Variants in FSD2 observed in about 807,000 individuals in gnomAD.
The protein encoded by FSD2 is fibronectin type III and SPRY domain containing 2.
FSD2 carries 71 observed loss-of-function variants against 80.4 expected under a neutral mutation model. The observed-to-expected ratio is 0.88, with a 90% confidence interval of 0.73 to 1.08. FSD2 has a LOEUF of 1.08. Among genes scored for constraint, FSD2 ranks in the 50% least tolerant of loss-of-function variants. The pLI, the probability that FSD2 is intolerant of heterozygous loss-of-function variation, is 0.00. For synonymous variants in FSD2, 361 were observed against 329.5 expected (o/e 1.10, Z -1.03); for missense variants, 923 against 913.8 (o/e 1.01, Z -0.13).
At chr15:82,770,569 GC>G (rs1318487971) in intron 7 of FSD2, among the ~76,000 whole-genome samples, 2 of 152,170 alleles carry the variant, frequency 1.3e-5, no homozygotes, top group African/African-American at 4.8e-5. Context: ...TACTCGGGAG[GC>G]CGAGGCAGGA....
At chr15:82,769,680 G>A (rs1490839354) in intron 8 of FSD2, 70 bp downstream of exon 8, 2 of 1,517,314 alleles carry the variant, frequency 1.3e-6, no homozygotes, top group South Asian at 1.3e-5. Context: ...GCCCTGCCAT[G>A]TCTAGAAACC....
intron 11 of FSD2, 117 bp downstream of exon 11, chr15:82,765,049 A>T: frequency 8.0e-7 from 1 of 1,256,184 alleles, no homozygotes; most frequent in Non-Finnish European, 1.1e-6. Context: ...CTCCTCACTC[A>T]TTTGTAGGAT....
At chr15:82,779,918 G>A (rs2049812444) in intron 5 of FSD2, among the ~76,000 whole-genome samples, 1 of 152,090 alleles carries the variant, frequency 6.6e-6, no homozygotes, top group African/African-American at 2.4e-5. Flanking sequence ...TGGACAGTCT[G>A]GGTCCAGGCA....
chr15:82,762,086 C>G lies in FSD2; in HGVS notation c.1997+16G>C, dbSNP rs1214942518. 1 of 1,554,200 alleles carries G rather than the reference C, an allele frequency of 6.4e-7. No homozygotes were observed. Among genetic ancestry groups the G allele is most frequent in the Non-Finnish European group, 8.7e-7 (1 of 1,149,536 alleles). ...AAAAGCAAATTTTAATTGTGAGTATCCAGATTTTACTTTACCTTGATGATG... is the reference window on the plus strand; with the variant it reads ...AAAAGCAAATTTTAATTGTGAGTATGCAGATTTTACTTTACCTTGATGATG... On this transcript the variant is annotated intron_variant, in intron 12 of 12. Coordinates refer to ENST00000334574, the MANE Select transcript of FSD2 (RefSeq NM_001007122.4).
In FSD2 at chr15:82,762,191, A is replaced by G; in HGVS notation, c.1908T>C (p.Val636=). The G allele has an allele frequency of 6.2e-7, 1 of 1,613,854 alleles. No individual in the cohort carries two copies. Among genetic ancestry groups the G allele is most frequent in the South Asian group, 1.1e-5 (1 of 91,020 alleles). ...TACGGACATCTGCAAAGGCCACACC[A>G]ACTCTGTAGTCCAAATGCTCATCCA... ...VEVDEHLDYR[V]GVAFADVRKQ... is the part of the protein sequence containing the mutation. The change falls in exon 12 of 13, where the codon GTT becomes GTC. Residue 636 remains valine (V), a synonymous_variant. Transcript: ENST00000334574.
chr15:82,802,514 T>A (rs1279818235), intron 1 of FSD2, among the ~76,000 whole-genome samples: 1 of 152,220 alleles, frequency 6.6e-6, no homozygotes, highest in Non-Finnish European at 1.5e-5. Context: ...TAATCAGAAT[T>A]ACCCACATTG....
intron 6 of FSD2, among the ~76,000 whole-genome samples, chr15:82,776,970 G>A (rs1478408078): frequency 2.0e-5 from 3 of 152,168 alleles, no homozygotes; most frequent in Non-Finnish European, 4.4e-5. Flanking sequence ...ACACAATGGG[G>A]AAAGGATAGT....
At position 82,766,043 on chromosome 15, in the gene FSD2, A is replaced by G. The variant is rs770256418; in HGVS notation, c.1554-12T>C. 8.3e-6 allele frequency: 13 copies of G among 1,569,444 alleles called. No homozygotes were observed. In the South Asian group the frequency reaches 1.2e-4, roughly 14 times the overall value. ...TGCCCACAACAGACCTGTACAAGGA[A>G]GCAGAGCTGCAGTCAGAATGGGGCT... On this transcript the variant is annotated splice_polypyrimidine_tract_variant and intron_variant, in intron 9 of 12. Coordinates refer to ENST00000334574, the MANE Select transcript of FSD2 (RefSeq NM_001007122.4).
At chr15:82,766,125 C>T in intron 9 of FSD2, 94 bp from the exon 10 acceptor site, 1 of 1,368,574 alleles carries the variant, frequency 7.3e-7, no homozygotes, top group Non-Finnish European at 9.7e-7. Context: ...GTTTAACTCA[C>T]TCTTGCGCTC....
chr15:82,770,276 G>A (rs1481090031), intron 7 of FSD2, among the ~76,000 whole-genome samples: 2 of 152,144 alleles, frequency 1.3e-5, no homozygotes, highest in Admixed American at 6.5e-5. Context: ...AAGTCCTCCC[G>A]GCTATCCTAT....
Position 82,787,450 on chromosome 15 carries a change from A to C in FSD2, c.-60T>G. The C allele has an allele frequency of 6.8e-7, 1 of 1,477,950 alleles. No homozygotes were observed. The highest frequency in any genetic ancestry group is 9.1e-7 in the Non-Finnish European group (1 of 1,100,360). The allele number at this position is 1,477,950 out of a possible 1,614,324, so 91.6% of individuals were successfully genotyped here. On this transcript the variant is annotated 5_prime_UTR_variant, in exon 2 of 13. It adds an upstream start codon to the 5' untranslated region. Transcript: ENST00000334574. ...TAAGAAAGATCCTTCCTGGACACTT[A>C]ATAGTGAATATCTGGGCCCTGGAAC...
At chr15:82,791,030 G>A (rs1299638865) in intron 1 of FSD2, among the ~76,000 whole-genome samples, 1 of 151,244 alleles carries the variant, frequency 6.6e-6, no homozygotes, top group East Asian at 2.0e-4. Flanking sequence ...GCGGAGTCTC[G>A]CTTTGTCACC....
rs149986626 is a variant in FSD2 at position 82,798,873 on chromosome 15, G to GTTTTTTTTTTTTTTTTTTTTTTTTTTT, written c.-79+7092_-79+7093insAAAAAAAAAAAAAAAAAAAAAAAAAAA. Among the ~76,000 whole-genome samples the GTTTTTTTTTTTTTTTTTTTTTTTTTTT allele has an allele frequency of 4.5e-5, 5 of 111,474 alleles. 2 individuals are homozygous for GTTTTTTTTTTTTTTTTTTTTTTTTTTT. Among genetic ancestry groups the GTTTTTTTTTTTTTTTTTTTTTTTTTTT allele is most frequent in the Non-Finnish European group, 5.2e-5 (3 of 57,496 alleles). The allele number at this position is 111,474 out of a possible 152,430, so 73.1% of individuals were successfully genotyped here. ...AAGTTTTCTTTCCACTATCTCCACT[G>GTTTTTTTTTTTTTTTTTTTTTTTTTTT]TTTTGTTTTTTTTTTTTTTTTTGAG... On this transcript the variant is annotated intron_variant, in intron 1 of 12. Transcript: ENST00000334574.
chr15:82,801,650 T>C (rs2050415232), intron 1 of FSD2, among the ~76,000 whole-genome samples: 1 of 152,200 alleles, frequency 6.6e-6, no homozygotes, highest in African/African-American at 2.4e-5. Context: ...ATGTATGTTA[T>C]TGGTTTCAGA....
intron 11 of FSD2, 89 bp from the exon 12 acceptor site, chr15:82,762,367 G>T (rs377578655): frequency 9.9e-6 from 13 of 1,307,476 alleles, no homozygotes; most frequent in Middle Eastern, 1.9e-4. Context: ...GGATCAGTCA[G>T]TCGGTGGTCT....
chr15:82,781,032 T>C (rs574505794), intron 4 of FSD2, among the ~76,000 whole-genome samples: 2 of 152,252 alleles, frequency 1.3e-5, no homozygotes, highest in East Asian at 3.9e-4. Flanking sequence ...CTAGACCCTG[T>C]CTCAAAAGAA....
At chr15:82,768,823 A>AT (rs2151493732) in intron 9 of FSD2, 57 bp downstream of exon 9, 3 of 1,346,180 alleles carry the variant, frequency 2.2e-6, no homozygotes, top group South Asian at 5.1e-5. Flanking sequence ...TTCCTAAGCC[A>AT]TGTCACTGTA....
rs544272690 is a variant in FSD2, at chr15:82,777,882, TG to T, written c.1111+883del. Among the ~76,000 whole-genome samples, 8 of 144,546 alleles carry T rather than the reference TG, an allele frequency of 5.5e-5. No individual in the cohort carries two copies. In the South Asian group the frequency reaches 1.8e-3, roughly 32 times the overall value. 94.8% of individuals were successfully genotyped at this position (144,546 alleles called of 152,430 possible). ...AAAAAAAAAGGTGAAAGGTAACAAA[TG>T]GTGAGAATGTGGAGAACTGGAACCC... On this transcript the variant is annotated intron_variant, in intron 6 of 12. Transcript: ENST00000334574.
rs762421287 is a variant in FSD2 at position 82,786,906 on chromosome 15, T to G, written c.485A>C (p.Glu162Ala). The change falls in exon 2 of 13, where the codon GAA (glutamate) becomes GCA (alanine). Residue 162 changes from glutamate (E) to alanine (A), a missense_variant. Glu to Ala is a moderately radical substitution (Grantham distance 107, BLOSUM62 -1). Transcript: ENST00000334574. ...CTCTTCCTCGGGGATGACATAGCATTCATACTCCTCGCTGGCACGGCCGTG... is the reference window on the plus strand; with the variant it reads ...CTCTTCCTCGGGGATGACATAGCATGCATACTCCTCGCTGGCACGGCCGTG... Reference protein sequence around the residue: ...YTHGRASEEYECYVIPEEEDE... With the variant: ...YTHGRASEEYACYVIPEEEDE... 8 of 1,613,956 alleles carry G rather than the reference T, an allele frequency of 5.0e-6. No homozygotes were observed. The East Asian group carries it at 1.6e-4, about 31-fold the overall frequency.
Sources: gnomAD v4.1 joint callset for allele counts (sites outside exome capture counted in the v4.1 genomes callset) on GRCh38, gnomAD v4.1.1 for gene constraint, MANE v1.5 for transcripts, NCBI Gene and HGNC (gene_info 2026-07-23, HGNC 2026-07-21) for gene names.